The following FOXP2 variants were observed in gnomAD, a reference collection of about 807,000 sequenced individuals.
FOXP2 encodes forkhead box P2, also known as forkhead box protein P2.
Under a neutral mutation model 115.8 loss-of-function variants are expected in FOXP2, and 12 were observed. The observed-to-expected ratio is 0.10, with a 90% CI of 0.07 to 0.17. The LOEUF (loss-of-function observed/expected upper bound fraction) is 0.17, where lower values mean the gene tolerates loss of function less well. FOXP2 is among the 10% of genes least tolerant of loss of function. The probability of loss-of-function intolerance (pLI) is 1.00; values close to 1 mark genes in which losing one functional copy is unlikely to be tolerated. For synonymous variants in FOXP2, 328 were observed against 297.7 expected (o/e 1.10, Z -1.05); for missense variants, 629 against 843.5 (o/e 0.75, Z 3.15).
intron 12 of FOXP2, 34 bp from the exon 13 acceptor site, chr7:114,659,538 A>C: frequency 6.3e-7 from 1 of 1,598,116 alleles, no homozygotes; most frequent in Non-Finnish European, 8.6e-7. Flanking sequence ...GTAAACCATT[A>C]TTTTATGTCA....
At chr7:114,122,751 C>G (rs1791600699) in intron 1 of FOXP2, among the ~76,000 whole-genome samples, 1 of 151,982 alleles carries the variant, frequency 6.6e-6, no homozygotes, top group African/African-American at 2.4e-5. Context: ...AACATGAAAA[C>G]TTAGTAGATC....
chr7:114,538,975 A>G (rs35487108), intron 3 of FOXP2, among the ~76,000 whole-genome samples: 13,423 of 151,886 alleles, frequency 0.088, 1,242 homozygotes, highest in African/African-American at 0.23. Context: ...AATTTATGAG[A>G]AATGTAAGCT....
At chr7:114,461,695 C>T (rs889513807) in intron 2 of FOXP2, among the ~76,000 whole-genome samples, 3 of 152,006 alleles carry the variant, frequency 2.0e-5, no homozygotes, top group Admixed American at 6.5e-5. Context: ...TCTCTCCTCC[C>T]TTTCTGTCTT....
In FOXP2 at chr7:114,569,345, T is replaced by G. The variant is rs538210125; in HGVS notation, c.258+34639T>G. Reference sequence around the variant, plus strand: ...CATATTTCAACCTTATTTTTAGGTTTAAATTGCAGTGTGAGAGTGTACTCT... The same window carrying G: ...CATATTTCAACCTTATTTTTAGGTTGAAATTGCAGTGTGAGAGTGTACTCT... On this transcript the variant is annotated intron_variant, in intron 3 of 16. Coordinates refer to ENST00000350908, the MANE Select transcript of FOXP2 (RefSeq NM_014491.4). 3.9e-4 allele frequency among the ~76,000 whole-genome samples: 60 copies of G among 152,066 alleles called. 1 individual carries two copies. Among genetic ancestry groups the G allele is most frequent in the East Asian group, 1.7e-3 (9 of 5,178 alleles).
chr7:114,377,388 G>GA (rs1416288658), intron 2 of FOXP2, among the ~76,000 whole-genome samples: 3 of 152,172 alleles, frequency 2.0e-5, no homozygotes, highest in Non-Finnish European at 4.4e-5. Context: ...ACTTAGAAGA[G>GA]AAAGTGAAGT....
intron 5 of FOXP2, chr7:114,630,499 A>G (rs146013810): frequency 2.1e-3 from 382 of 183,284 alleles, no homozygotes; most frequent in Admixed American, 4.3e-3. Flanking sequence ...TGATATGCTC[A>G]TAAATCAAAC....
chr7:114,565,189 G>A (rs1161967670), intron 3 of FOXP2, among the ~76,000 whole-genome samples: 1 of 151,032 alleles, frequency 6.6e-6, no homozygotes, highest in South Asian at 2.1e-4. Flanking sequence ...AAAAAAATCA[G>A]GAGTCCATGC....
At chr7:114,482,593 T>C (rs932884622) in intron 2 of FOXP2, among the ~76,000 whole-genome samples, 1 of 151,570 alleles carries the variant, frequency 6.6e-6, no homozygotes, top group Non-Finnish European at 1.5e-5. Flanking sequence ...ATTTCCATCT[T>C]TTGGAAAATT....
intron 2 of FOXP2, among the ~76,000 whole-genome samples, chr7:114,466,534 G>A (rs1292201483): frequency 6.6e-6 from 1 of 152,066 alleles, no homozygotes; most frequent in African/African-American, 2.4e-5. Flanking sequence ...TCAAACTTTG[G>A]TCTTTTGCAT....
chr7:114,394,526 A>G (rs1792692992), intron 2 of FOXP2, among the ~76,000 whole-genome samples: 1 of 152,022 alleles, frequency 6.6e-6, no homozygotes, highest in Admixed American at 6.6e-5. Flanking sequence ...ACTAATTACA[A>G]AAGAGAAAAA....
In FOXP2 at chr7:114,644,736, T is replaced by A; in HGVS notation, c.1041T>A (p.Val347=). The change falls in exon 8 of 17, where the codon GTT becomes GTA. Residue 347 remains valine, a synonymous_variant. Transcript: ENST00000350908. The part of the protein sequence containing the change: ...GASHTLYGHG[V]CKWPGCESIC... ...CTCACACTCTCTATGGCCATGGAGT[T>A]TGCAAATGGCCAGGCTGTGAAAGCA... 1 of 1,614,028 alleles carries A rather than the reference T, an allele frequency of 6.2e-7. No homozygotes were observed. Among genetic ancestry groups the A allele is most frequent in the South Asian group, 1.1e-5 (1 of 91,084 alleles).
intron 1 of FOXP2, among the ~76,000 whole-genome samples, chr7:114,246,952 T>C (rs1795300103): frequency 1.3e-5 from 2 of 152,192 alleles, no homozygotes; most frequent in African/African-American, 4.8e-5. Flanking sequence ...GAATTGTCTT[T>C]TCAGGACTAT....
chr7:114,449,741 A>G (rs1184017010), intron 2 of FOXP2, among the ~76,000 whole-genome samples: 3 of 152,110 alleles, frequency 2.0e-5, no homozygotes, highest in African/African-American at 7.2e-5. Flanking sequence ...CAATCCGTAT[A>G]ATTTTACCTG....
In FOXP2 at chr7:114,642,544, A is replaced by C. The variant is rs758423327; in HGVS notation, c.910A>C (p.Thr304Pro). 8.7e-6 allele frequency: 14 copies of C among 1,613,556 alleles called. No homozygotes were observed. The East Asian group carries it at 3.1e-4, about 36-fold the overall frequency. Residue 304 changes from threonine (T) to proline (P), a missense_variant, in exon 7 of 17, where the codon ACT (threonine) becomes CCT (proline). This residue lies in a region of FOXP2 where 92 missense variants were observed against 80.1 expected (regional missense o/e 1.15). Transcript: ENST00000350908. ...NNSSSTTSSN[T>P]SKASPPITHH... The stretch of plus-strand genomic sequence containing the variant: ...TTCCTCCTCGACTACCTCCTCCAAC[A>C]CTTCCAAAGCATCACCACCAATAAC...
At chr7:114,100,402 C>T (rs954430268) in intron 1 of FOXP2, among the ~76,000 whole-genome samples, 12 of 152,072 alleles carry the variant, frequency 7.9e-5, no homozygotes, top group Admixed American at 2.6e-4. Flanking sequence ...AATATTAAAA[C>T]TTTATCTCAA....
At chr7:114,665,102 G>C (rs1455489535) in intron 16 of FOXP2, 1 of 152,266 alleles carries the variant, frequency 6.6e-6, no homozygotes, top group Non-Finnish European at 1.5e-5. Context: ...TTTTAATGGA[G>C]CTGAGAGAGT....
At chr7:114,506,308 C>A (rs533298425) in intron 2 of FOXP2, among the ~76,000 whole-genome samples, 1 of 151,598 alleles carries the variant, frequency 6.6e-6, no homozygotes. Context: ...GTTTGTTTGT[C>A]TTATTTCTAC....
At chr7:114,229,986 G>A (rs189761688) in intron 1 of FOXP2, among the ~76,000 whole-genome samples, 79 of 151,724 alleles carry the variant, frequency 5.2e-4, no homozygotes, top group African/African-American at 1.7e-3. Context: ...CAAATAGACA[G>A]ACTTTTAGAC....
At chr7:114,663,416 C>T (rs897636758) in intron 14 of FOXP2, 34 bp from the exon 15 acceptor site, 15 of 1,393,304 alleles carry the variant, frequency 1.1e-5, no homozygotes, top group South Asian at 2.3e-5. Flanking sequence ...TATATTTTGA[C>T]GTATAAATGA....
Sources: allele counts gnomAD v4.1 joint callset (sites outside exome capture counted in the v4.1 genomes callset), GRCh38; gene constraint gnomAD v4.1.1; regional missense constraint gnomAD v4.1.1; transcripts MANE v1.5; gene names NCBI Gene and HGNC (gene_info 2026-07-23, HGNC 2026-07-21).